The following KIF6 variants were observed in gnomAD, a reference collection of about 807,000 sequenced individuals.
KIF6 encodes the protein kinesin-like protein KIF6.
A neutral mutation model predicts 112.7 loss-of-function variants in KIF6; 106 were observed. The observed-to-expected ratio is 0.94, with a 90% confidence interval of 0.80 to 1.11. The LOEUF is 1.11. KIF6 is among the 50% of genes least tolerant of loss of function. KIF6 has a pLI of 0.00. For missense variants in KIF6, 929 were observed against 964.0 expected, an observed-to-expected ratio of 0.96 and a Z score of 0.48; for synonymous variants, 339 against 339.9, an observed-to-expected ratio of 1.00 and a Z score of 0.03.
At chr6:39,586,146 C>T (rs1781615597) in intron 8 of KIF6, 115 bp downstream of exon 8, 1 of 986,948 alleles carries the variant, frequency 1.0e-6, no homozygotes, top group African/African-American at 1.6e-5. Flanking sequence ...GGGTACTGCC[C>T]TCTGAAGGCA....
chr6:39,706,847 C>T (rs1237422255), intron 3 of KIF6, among the ~76,000 whole-genome samples: 1 of 152,150 alleles, frequency 6.6e-6, no homozygotes, highest in Non-Finnish European at 1.5e-5. Context: ...TTTATTGAAT[C>T]CCCTGGGGGA....
chr6:39,603,323 C>G lies in KIF6; in HGVS notation c.640-7063G>C, dbSNP rs550310526. ...TTTGTTAGGACACTTTACATAACAT[C>G]AAATGCCTGGATTGAGGCCAGGAGA... On this transcript the variant is annotated intron_variant, in intron 6 of 22. Coordinates refer to ENST00000287152, the MANE Select transcript of KIF6 (RefSeq NM_145027.6). 9.1e-4 allele frequency among the ~76,000 whole-genome samples: 138 copies of G among 152,136 alleles called. 1 individual carries two copies. The highest frequency in any genetic ancestry group is 1.5e-3 in the Non-Finnish European group (101 of 68,018).
intron 13 of KIF6, among the ~76,000 whole-genome samples, chr6:39,486,159 G>A (rs1393198949): frequency 1.3e-5 from 2 of 152,214 alleles, no homozygotes; most frequent in Non-Finnish European, 2.9e-5. Flanking sequence ...AGGCTGACTT[G>A]ATTAATAAGA....
intron 15 of KIF6, among the ~76,000 whole-genome samples, chr6:39,411,532 T>C (rs1289129577): frequency 1.3e-5 from 2 of 152,184 alleles, no homozygotes; most frequent in African/African-American, 4.8e-5. Flanking sequence ...GATAAAATTA[T>C]GGTTTAGTAA....
At chr6:39,589,558 T>C (rs1486250076) in intron 7 of KIF6, among the ~76,000 whole-genome samples, 1 of 152,170 alleles carries the variant, frequency 6.6e-6, no homozygotes, top group Non-Finnish European at 1.5e-5. Context: ...TTACTTTTCC[T>C]AGTTGTCTTG....
intron 15 of KIF6, among the ~76,000 whole-genome samples, chr6:39,385,873 G>C (rs200818661): frequency 1.3e-5 from 2 of 152,250 alleles, no homozygotes; most frequent in South Asian, 4.1e-4. Flanking sequence ...CTAGGTGCTG[G>C]CACATCAGTG....
intron 10 of KIF6, among the ~76,000 whole-genome samples, chr6:39,568,144 G>A (rs1780416978): frequency 6.6e-6 from 1 of 152,194 alleles, no homozygotes; most frequent in African/African-American, 2.4e-5. Flanking sequence ...TGGTCCTCAT[G>A]CAGCAAAGCA....
intron 5 of KIF6, among the ~76,000 whole-genome samples, chr6:39,626,074 C>T (rs1784076575): frequency 6.6e-6 from 1 of 152,036 alleles, no homozygotes; most frequent in African/African-American, 2.4e-5. Context: ...GGCTGAGGGC[C>T]CAGCTGAGGT....
chr6:39,672,674 C>T (rs943197549), intron 3 of KIF6, among the ~76,000 whole-genome samples: 3 of 152,084 alleles, frequency 2.0e-5, no homozygotes, highest in African/African-American at 7.2e-5. Flanking sequence ...TGGTGAGGTC[C>T]CTGGCTTGCA....
chr6:39,724,805 C>T (rs1790441872), intron 1 of KIF6, among the ~76,000 whole-genome samples: 1 of 152,194 alleles, frequency 6.6e-6, no homozygotes, highest in African/African-American at 2.4e-5. Context: ...GGTACATAAA[C>T]ACGCATCTCT....
At chr6:39,452,317 G>A (rs187089271) in intron 13 of KIF6, among the ~76,000 whole-genome samples, 1 of 152,334 alleles carries the variant, frequency 6.6e-6, no homozygotes, top group African/African-American at 2.4e-5. Context: ...TTCATCTGTG[G>A]TGAAAAATGT....
intron 9 of KIF6, among the ~76,000 whole-genome samples, chr6:39,583,942 A>AT (rs772611254): frequency 2.6e-5 from 4 of 151,812 alleles, no homozygotes; most frequent in African/African-American, 9.7e-5. Context: ...TACCATGTAA[A>AT]TTTTTTTGCT....
At chr6:39,623,926 C>G (rs982864198) in intron 5 of KIF6, among the ~76,000 whole-genome samples, 1 of 152,170 alleles carries the variant, frequency 6.6e-6, no homozygotes, top group Non-Finnish European at 1.5e-5. Context: ...CTCAGGCCAG[C>G]TCAGCTCTGC....
intron 3 of KIF6, among the ~76,000 whole-genome samples, chr6:39,655,241 G>A (rs542571537): frequency 2.6e-4 from 39 of 151,970 alleles, no homozygotes; most frequent in Non-Finnish European, 4.3e-4. Context: ...ACTTTTATAC[G>A]TTTTTTGACC....
intron 15 of KIF6, 122 bp downstream of exon 15, chr6:39,419,826 T>C (rs1160689382): frequency 4.7e-6 from 4 of 847,754 alleles, no homozygotes; most frequent in Admixed American, 1.7e-5. Context: ...GCAGCTTCCT[T>C]GGCAGGGGCT....
intron 15 of KIF6, among the ~76,000 whole-genome samples, chr6:39,411,063 C>T (rs1769441798): frequency 6.6e-6 from 1 of 152,116 alleles, no homozygotes; most frequent in South Asian, 2.1e-4. Context: ...TTTCTCATAC[C>T]TTTGAGCTAA....
rs147893278 is a variant in KIF6, at chr6:39,557,558, T to A, written c.1182-11870A>T. Among the ~76,000 whole-genome samples the A allele has an allele frequency of 5.1e-3, 777 of 152,278 alleles. 4 individuals are homozygous for A. The highest frequency in any genetic ancestry group is 0.013 in the Admixed American group (200 of 15,296). On this transcript the variant is annotated intron_variant, in intron 10 of 22. Transcript: ENST00000287152. ...TGAATGGGAAGATGCAGGATTGTAA[T>A]CTCTCCTTGAATTTAACAATAAAAA...
intron 13 of KIF6, among the ~76,000 whole-genome samples, chr6:39,518,163 A>G (rs895913875): frequency 1.3e-5 from 2 of 152,228 alleles, no homozygotes; most frequent in African/African-American, 4.8e-5. Flanking sequence ...TTCATTTAAT[A>G]TAGTACAGAC....
intron 5 of KIF6, among the ~76,000 whole-genome samples, chr6:39,619,063 C>T (rs1378904818): frequency 6.6e-6 from 1 of 152,080 alleles, no homozygotes; most frequent in Non-Finnish European, 1.5e-5. Flanking sequence ...TCTGTTAACA[C>T]GTTTTAGAAA....
Sources: allele counts gnomAD v4.1 joint callset (sites outside exome capture counted in the v4.1 genomes callset), GRCh38; gene constraint gnomAD v4.1.1; transcripts MANE v1.5; gene names NCBI Gene and HGNC (gene_info 2026-07-23, HGNC 2026-07-21).